Variants in SYNPR observed in about 807,000 individuals in gnomAD.
SYNPR encodes the protein synaptoporin.
SYNPR carries 23 observed loss-of-function variants against 32.9 expected under a neutral mutation model. The ratio of observed to expected loss-of-function variants is 0.70; its 90% CI spans 0.50 to 0.99. The LOEUF (loss-of-function observed/expected upper bound fraction) is 0.99. Ranked by LOEUF, SYNPR falls within the 50% of genes least tolerant of loss-of-function variation. The probability of loss-of-function intolerance (pLI) is 0.00; values close to 1 mark genes in which losing one functional copy is unlikely to be tolerated. For missense variants in SYNPR, 318 were observed against 349.3 expected (o/e 0.91, Z 0.71); for synonymous variants, 146 against 135.9 (o/e 1.07, Z -0.52).
intron 4 of SYNPR, among the ~76,000 whole-genome samples, chr3:63,596,361 CTG>C (rs1699959759): frequency 6.8e-6 from 1 of 147,934 alleles, no homozygotes; most frequent in Admixed American, 6.8e-5. Context: ...TATCCTCCTC[CTG>C]TCTCCCCCTC....
chr3:63,237,596 T>C (rs1199037055), intron 1 of SYNPR, among the ~76,000 whole-genome samples: 1 of 152,188 alleles, frequency 6.6e-6, no homozygotes, highest in Non-Finnish European at 1.5e-5. Flanking sequence ...TCTTGGTTCT[T>C]AGTATGACGG....
chr3:63,344,913 G>C (rs181152141), intron 2 of SYNPR, among the ~76,000 whole-genome samples: 63 of 152,222 alleles, frequency 4.1e-4, no homozygotes, highest in African/African-American at 1.4e-3. Context: ...TCCCTGCCTG[G>C]GTAGGGGCCA....
chr3:63,589,207 G>A (rs1703259764), intron 4 of SYNPR, among the ~76,000 whole-genome samples: 1 of 152,046 alleles, frequency 6.6e-6, no homozygotes, highest in Non-Finnish European at 1.5e-5. Context: ...AAAGATCCTG[G>A]ATGCAACCAG....
intron 2 of SYNPR, among the ~76,000 whole-genome samples, chr3:63,403,848 C>T (rs2088324656): frequency 6.6e-6 from 1 of 152,100 alleles, no homozygotes; most frequent in Non-Finnish European, 1.5e-5. Flanking sequence ...CAAGGGAAGC[C>T]TCATCAAAAA....
chr3:63,357,251 C>A (rs2087595198), intron 2 of SYNPR, among the ~76,000 whole-genome samples: 1 of 152,128 alleles, frequency 6.6e-6, no homozygotes. Flanking sequence ...TGCTTGAGAC[C>A]AGAGACCCCT....
the SYNPR span, among the ~76,000 whole-genome samples, chr3:63,209,309 C>T: frequency 3.0e-5 from 3 of 101,134 alleles, no homozygotes; most frequent in African/African-American, 1.2e-4. Flanking sequence ...CAGCGAGACT[C>T]CGTCTCAAAA....
intron 2 of SYNPR, among the ~76,000 whole-genome samples, chr3:63,372,137 G>A (rs756181823): frequency 4.7e-5 from 7 of 148,700 alleles, no homozygotes; most frequent in Admixed American, 1.3e-4. Context: ...CCACTGCCAC[G>A]ACAGTGGTTC....
At chr3:63,569,136 C>T (rs1474009501) in intron 4 of SYNPR, among the ~76,000 whole-genome samples, 1 of 152,002 alleles carries the variant, frequency 6.6e-6, no homozygotes, top group African/African-American at 2.4e-5. Context: ...GCATAATATT[C>T]CATTATATTG....
chr3:63,615,017 G>A (rs1700256995), intron 5 of SYNPR, among the ~76,000 whole-genome samples: 1 of 152,112 alleles, frequency 6.6e-6, no homozygotes, highest in African/African-American at 2.4e-5. Flanking sequence ...TACACATAAA[G>A]CCCTTTATGT....
intron 2 of SYNPR, among the ~76,000 whole-genome samples, chr3:63,334,359 A>G (rs1475997891): frequency 2.0e-5 from 3 of 152,176 alleles, no homozygotes; most frequent in Non-Finnish European, 4.4e-5. Flanking sequence ...GGTTGCTACA[A>G]AGAAGAGTCC....
intron 4 of SYNPR, among the ~76,000 whole-genome samples, chr3:63,582,365 T>C (rs1026285427): frequency 1.2e-4 from 19 of 152,036 alleles, no homozygotes; most frequent in African/African-American, 4.1e-4. Context: ...CAGGACACAA[T>C]ATGGCATATA....
chr3:63,424,997 A>C lies in SYNPR; in HGVS notation c.85-55835A>C, dbSNP rs532623982. On this transcript the variant is annotated intron_variant, in intron 2 of 5. Coordinates refer to ENST00000478300, the MANE Select transcript of SYNPR (RefSeq NM_001130003.2). ...CTTCCTAGCATATGTGCCCAATCCC[A>C]ATCACATTAGATCCATCCTGTTAGC... Among the ~76,000 whole-genome samples the C allele has an allele frequency of 2.6e-5, 4 of 152,276 alleles. No individual in the cohort carries two copies. In the East Asian group the frequency reaches 7.7e-4, roughly 29 times the overall value.
At chr3:63,252,645 A>C (rs1033973497) in intron 2 of SYNPR, 3 of 152,224 alleles carry the variant, frequency 2.0e-5, no homozygotes, top group Admixed American at 6.5e-5. Flanking sequence ...TGATTTGAAA[A>C]GCTGCACAAA....
chr3:63,421,022 A>G (rs913743528), intron 2 of SYNPR, among the ~76,000 whole-genome samples: 11 of 152,132 alleles, frequency 7.2e-5, no homozygotes, highest in Non-Finnish European at 5.9e-5. Flanking sequence ...CTGTAACTAC[A>G]GGCACATACC....
chr3:63,260,115 G>C (rs1367722265), intron 2 of SYNPR, among the ~76,000 whole-genome samples: 1 of 152,162 alleles, frequency 6.6e-6, no homozygotes, highest in Admixed American at 6.5e-5. Flanking sequence ...TGGGTAGGAA[G>C]AATCAACATT....
chr3:63,275,225 C>A (rs1402623282), upstream of SYNPR, among the ~76,000 whole-genome samples: 2 of 152,216 alleles, frequency 1.3e-5, no homozygotes, highest in East Asian at 3.9e-4. Context: ...TCTGTCCTAT[C>A]TCCCCTAATC....
At chr3:63,467,427 T>G (rs1262731313) in intron 2 of SYNPR, among the ~76,000 whole-genome samples, 1 of 152,206 alleles carries the variant, frequency 6.6e-6, no homozygotes, top group African/African-American at 2.4e-5. Flanking sequence ...ACTTGCTCCT[T>G]TTGGTATAGT....
At chr3:63,501,180 T>C (rs1443458385) in intron 3 of SYNPR, among the ~76,000 whole-genome samples, 1 of 152,080 alleles carries the variant, frequency 6.6e-6, no homozygotes, top group African/African-American at 2.4e-5. Flanking sequence ...CATAGGGTTA[T>C]TATGAAAATT....
At chr3:63,389,731 A>G (rs1227213310) in intron 2 of SYNPR, among the ~76,000 whole-genome samples, 1 of 152,188 alleles carries the variant, frequency 6.6e-6, no homozygotes, top group Non-Finnish European at 1.5e-5. Context: ...TGTCAAGAAC[A>G]CCTGGCATGT....
Sources: allele counts gnomAD v4.1 joint callset (sites outside exome capture counted in the v4.1 genomes callset), GRCh38; gene constraint gnomAD v4.1.1; transcripts MANE v1.5; gene names NCBI Gene and HGNC (gene_info 2026-07-23, HGNC 2026-07-21).